Variants in PLBD1 observed in about 807,000 individuals in gnomAD.
PLBD1 encodes the protein lysosomal leucine aminopeptidase.
Under a neutral mutation model 63.0 loss-of-function variants are expected in PLBD1, and 60 were observed. The observed-to-expected ratio is 0.95, with a 90% CI of 0.77 to 1.18. The LOEUF is 1.18. PLBD1 is among the 50% of genes most tolerant of loss of function. The pLI is 0.00. For missense variants in PLBD1, 598 were observed against 677.9 expected (o/e 0.88, Z 1.31); for synonymous variants, 262 against 248.0 (o/e 1.06, Z -0.53).
chr12:14,541,037 A>T (rs1429173759), intron 3 of PLBD1, 135 bp from the exon 4 acceptor site: 2 of 976,784 alleles, frequency 2.0e-6, no homozygotes, highest in African/African-American at 3.2e-5. Context: ...GTAACACTCC[A>T]GTCACTCAAA....
At chr12:14,511,441 C>T in intron 7 of PLBD1, 41 bp from the exon 8 acceptor site, 6 of 1,613,646 alleles carry the variant, frequency 3.7e-6, no homozygotes, top group Non-Finnish European at 5.1e-6. Context: ...ATGGGTATGA[C>T]TTTACTGGTT....
At chr12:14,516,805 G>A (rs1000267889) in intron 6 of PLBD1, among the ~76,000 whole-genome samples, 1 of 152,114 alleles carries the variant, frequency 6.6e-6, no homozygotes, top group African/African-American at 2.4e-5. Context: ...TTGGCAGGCA[G>A]AGGAGGGCGG....
chr12:14,526,853 T>A lies in PLBD1; in HGVS notation c.844+8806A>T, dbSNP rs1945419003. 2.6e-5 allele frequency among the ~76,000 whole-genome samples: 4 copies of A among 152,102 alleles called. No homozygotes were observed. The South Asian group carries it at 8.3e-4, about 31-fold the overall frequency. On this transcript the variant is annotated intron_variant, in intron 6 of 10. Coordinates refer to ENST00000240617, the MANE Select transcript of PLBD1 (RefSeq NM_024829.6). ...CGGGCGTGGTGGCGCATGCCTGTAA[T>A]CCCAGCTACTCGGGAGGATGAGGCA...
intron 6 of PLBD1, among the ~76,000 whole-genome samples, chr12:14,519,683 T>C (rs2136910410): frequency 6.7e-6 from 1 of 150,368 alleles, no homozygotes; most frequent in African/African-American, 2.4e-5. Flanking sequence ...AAAGGCCATG[T>C]GAGGACACAG....
chr12:14,532,168 A>G (rs560895801), intron 6 of PLBD1, among the ~76,000 whole-genome samples: 2 of 152,284 alleles, frequency 1.3e-5, no homozygotes, highest in Admixed American at 6.5e-5. Context: ...AGCTGTCCCA[A>G]TCACACCAGA....
At chr12:14,534,543 CTTTTTTTTT>C (rs1286445435) in intron 6 of PLBD1, among the ~76,000 whole-genome samples, 1 of 137,834 alleles carries the variant, frequency 7.3e-6, no homozygotes, top group Non-Finnish European at 1.6e-5. Flanking sequence ...CTTTTCTTTT[CTTTTTTTTT>C]TTTTTTTTTG....
intron 6 of PLBD1, among the ~76,000 whole-genome samples, chr12:14,519,365 A>T (rs1210736437): frequency 6.6e-6 from 1 of 152,176 alleles, no homozygotes; most frequent in African/African-American, 2.4e-5. Flanking sequence ...TCATGCCTGT[A>T]ATCCCAGCAC....
chr12:14,541,169 A>T (rs1203083979), intron 3 of PLBD1, among the ~76,000 whole-genome samples: 1 of 152,214 alleles, frequency 6.6e-6, no homozygotes, highest in East Asian at 1.9e-4. Context: ...CCTAACTGTG[A>T]TACAAGACCT....
chr12:14,536,573 G>C lies in PLBD1; in HGVS notation c.696C>G (p.Ile232Met), dbSNP rs1945516969. The change falls in exon 5 of 11, where the codon ATC (isoleucine) becomes ATG (methionine). Residue 232 changes from isoleucine to methionine, a missense_variant. Ile to Met is a conservative substitution (Grantham distance 10, BLOSUM62 1). Transcript: ENST00000240617. The stretch of plus-strand genomic sequence containing the variant: ...AAAAGGAGCTGCTATGTCTTACCTT[G>C]ATAAGAGCGGAGCAATGTCCCATGT... ...RWDMGHCSAL[I>M]KVLPGFENIL... 2 of 1,614,090 alleles carry C rather than the reference G, an allele frequency of 1.2e-6. No homozygotes were observed. Among genetic ancestry groups the C allele is most frequent in the South Asian group, 2.2e-5 (2 of 91,078 alleles).
chr12:14,519,425 C>T (rs1945360031), intron 6 of PLBD1, among the ~76,000 whole-genome samples: 1 of 151,912 alleles, frequency 6.6e-6, no homozygotes, highest in Non-Finnish European at 1.5e-5. Context: ...TCGAGACCAC[C>T]TGGCTAACAG....
intron 6 of PLBD1, among the ~76,000 whole-genome samples, chr12:14,524,609 A>T (rs893480238): frequency 6.6e-6 from 1 of 152,234 alleles, no homozygotes; most frequent in Admixed American, 6.5e-5. Context: ...CGTTCTTGCC[A>T]TAAGGAACTG....
At chr12:14,546,939 G>A (rs1945621043) in intron 2 of PLBD1, among the ~76,000 whole-genome samples, 1 of 151,640 alleles carries the variant, frequency 6.6e-6, no homozygotes, top group African/African-American at 2.4e-5. Flanking sequence ...GGAGTGCAGT[G>A]GTGTGATCTC....
chr12:14,564,181 G>A (rs1185409056), intron 1 of PLBD1, among the ~76,000 whole-genome samples: 1 of 152,110 alleles, frequency 6.6e-6, no homozygotes, highest in Non-Finnish European at 1.5e-5. Context: ...ACTCCAGCCT[G>A]GGTGACAGAG....
intron 1 of PLBD1, among the ~76,000 whole-genome samples, chr12:14,564,014 A>T (rs1945762514): frequency 6.6e-6 from 1 of 152,234 alleles, no homozygotes; most frequent in Admixed American, 6.5e-5. Context: ...AACCTGTGGG[A>T]GGATCACTTG....
intron 1 of PLBD1, among the ~76,000 whole-genome samples, chr12:14,555,340 C>T (rs1441857590): frequency 6.6e-6 from 1 of 152,122 alleles, no homozygotes; most frequent in East Asian, 1.9e-4. Flanking sequence ...GGGTTCGCGA[C>T]CAGCCTGGCC....
chr12:14,507,175 G>A (rs1945263360), intron 8 of PLBD1, 57 bp from the exon 9 acceptor site: 17 of 1,295,782 alleles, frequency 1.3e-5, no homozygotes, highest in Non-Finnish European at 1.6e-5. Context: ...AGACAGAAAA[G>A]GAGAGAGAGC....
chr12:14,555,872 C>T (rs1245718918), intron 1 of PLBD1, among the ~76,000 whole-genome samples: 1 of 152,228 alleles, frequency 6.6e-6, no homozygotes, highest in African/African-American at 2.4e-5. Flanking sequence ...CCTTGTCACA[C>T]TGTACTGTAA....
chr12:14,528,918 A>G lies in PLBD1; in HGVS notation c.844+6741T>C, dbSNP rs138959351. The stretch of plus-strand genomic sequence containing the variant: ...ACATTTTTAAAACTAACTCAAGAAG[A>G]GTTAGAAAACTGAAATAGTTCTGTA... On this transcript the variant is annotated intron_variant, in intron 6 of 10. Coordinates refer to ENST00000240617, the MANE Select transcript of PLBD1 (RefSeq NM_024829.6). 5.2e-3 allele frequency among the ~76,000 whole-genome samples: 788 copies of G among 152,322 alleles called. 4 individuals are homozygous for G. Among genetic ancestry groups the G allele is most frequent in the African/African-American group, 0.017 (726 of 41,588 alleles).
At chr12:14,522,097 G>C (rs1945381208) in intron 6 of PLBD1, among the ~76,000 whole-genome samples, 1 of 152,072 alleles carries the variant, frequency 6.6e-6, no homozygotes, top group Non-Finnish European at 1.5e-5. Flanking sequence ...AAGCCTACAA[G>C]ACCTATGAGA....
Sources: gnomAD v4.1 joint callset for allele counts (sites outside exome capture counted in the v4.1 genomes callset) on GRCh38, gnomAD v4.1.1 for gene constraint, MANE v1.5 for transcripts, NCBI Gene and HGNC (gene_info 2026-07-23, HGNC 2026-07-21) for gene names.